TRIM33: variants seen among roughly 807,000 people sequenced by gnomAD.
The protein encoded by TRIM33 is tripartite motif containing 33.
In TRIM33, 20 loss-of-function variants were observed where a neutral mutation model predicts 125.4. The observed-to-expected ratio is 0.16, with a 90% CI of 0.11 to 0.23. The LOEUF is 0.23. Ranked by LOEUF, TRIM33 falls within the 10% of genes least tolerant of loss-of-function variation. The pLI, the probability that TRIM33 is intolerant of heterozygous loss-of-function variation, is 1.00. For synonymous variants in TRIM33, 564 were observed against 513.9 expected (o/e 1.10, Z -1.32); for missense variants, 920 against 1,411.4 (o/e 0.65, Z 5.58).
chr1:114,493,908 C>A (rs959968514), intron 1 of TRIM33, among the ~76,000 whole-genome samples: 1 of 152,110 alleles, frequency 6.6e-6, no homozygotes, highest in Admixed American at 6.5e-5. Context: ...CTCACTGCAA[C>A]CTCCGCCTCC....
chr1:114,408,127 C>A (rs1557845607), intron 13 of TRIM33, among the ~76,000 whole-genome samples: 3 of 147,464 alleles, frequency 2.0e-5, no homozygotes. Flanking sequence ...GACCTAAATA[C>A]CAAAATAGAC....
At chr1:114,478,876 G>A (rs1557889942) in intron 1 of TRIM33, among the ~76,000 whole-genome samples, 1 of 151,980 alleles carries the variant, frequency 6.6e-6, no homozygotes, top group East Asian at 1.9e-4. Flanking sequence ...GTGAAACTCT[G>A]CCTCTACTAA....
intron 1 of TRIM33, among the ~76,000 whole-genome samples, chr1:114,465,122 T>C (rs1650212382): frequency 6.6e-6 from 1 of 152,246 alleles, no homozygotes; most frequent in South Asian, 2.1e-4. Context: ...TATCATCTTA[T>C]AAATTCTGAC....
At chr1:114,407,132 C>T (rs201782033) in intron 13 of TRIM33, 32 bp from the exon 14 acceptor site, 115 of 1,579,398 alleles carry the variant, frequency 7.3e-5, no homozygotes, top group African/African-American at 2.0e-4. Context: ...AGATCACATA[C>T]GTTTGACTAT....
intron 4 of TRIM33, among the ~76,000 whole-genome samples, chr1:114,456,736 C>T (rs370800251): frequency 9.9e-5 from 15 of 152,026 alleles, no homozygotes; most frequent in African/African-American, 3.1e-4. Flanking sequence ...AGAGTTGATT[C>T]GGGTCCCCAC....
chr1:114,476,704 C>G (rs574560197), intron 1 of TRIM33, among the ~76,000 whole-genome samples: 6 of 152,022 alleles, frequency 3.9e-5, no homozygotes, highest in Non-Finnish European at 7.4e-5. Context: ...AGAAAATACT[C>G]CATGTAACTC....
chr1:114,409,734 CA>C (rs1267501095), intron 12 of TRIM33, among the ~76,000 whole-genome samples: 1 of 152,192 alleles, frequency 6.6e-6, no homozygotes, highest in East Asian at 1.9e-4. Context: ...TAGGATATGA[CA>C]CCCAGCAGTT....
Position 114,415,364 on chromosome 1 carries a change from C to T in TRIM33, c.2062-5048G>A, listed in dbSNP as rs117969315. 3.0e-3 allele frequency among the ~76,000 whole-genome samples: 461 copies of T among 152,198 alleles called. 21 individuals carry two copies. The East Asian group carries it at 0.079, about 26-fold the overall frequency. On this transcript the variant is annotated intron_variant, in intron 11 of 19. Coordinates refer to ENST00000358465, the MANE Select transcript of TRIM33 (RefSeq NM_015906.4). ...AAGAAAAATCACAAAATCTGACCTC[C>T]GATTTGAAATTATCATCTACAGTAT...
chr1:114,489,887 C>A (rs898135126), intron 1 of TRIM33, among the ~76,000 whole-genome samples: 1 of 151,656 alleles, frequency 6.6e-6, no homozygotes, highest in Non-Finnish European at 1.5e-5. Context: ...TTTTGTGCTG[C>A]AAATAATCCC....
intron 1 of TRIM33, among the ~76,000 whole-genome samples, chr1:114,507,977 CGTG>C (rs1653097978): frequency 6.6e-6 from 1 of 151,986 alleles, no homozygotes; most frequent in Non-Finnish European, 1.5e-5. Flanking sequence ...ATTAGCCAGG[CGTG>C]GTGATATGCG....
chr1:114,478,829 C>T (rs527895138), intron 1 of TRIM33, among the ~76,000 whole-genome samples: 5 of 152,290 alleles, frequency 3.3e-5, no homozygotes, highest in African/African-American at 1.2e-4. Flanking sequence ...AGGTGGATCG[C>T]CTGAGGTCAG....
chr1:114,448,254 T>A (rs904993670), intron 4 of TRIM33, among the ~76,000 whole-genome samples: 3 of 152,160 alleles, frequency 2.0e-5, no homozygotes, highest in Non-Finnish European at 4.4e-5. Flanking sequence ...AACAGAAATG[T>A]AGAAATATGG....
At chr1:114,440,600 CTAAAAA>C (rs1648593080) in intron 4 of TRIM33, among the ~76,000 whole-genome samples, 2 of 152,068 alleles carry the variant, frequency 1.3e-5, no homozygotes, top group African/African-American at 4.8e-5. Flanking sequence ...TTTTTGCTAT[CTAAAAA>C]TAAAGTTTTT....
intron 1 of TRIM33, among the ~76,000 whole-genome samples, chr1:114,499,192 CTT>C (rs1331092230): frequency 3.9e-5 from 6 of 152,062 alleles, no homozygotes; most frequent in Non-Finnish European, 7.4e-5. Context: ...ATAAAGAAAA[CTT>C]CAAAAATTCA....
chr1:114,507,479 T>C (rs895462906), intron 1 of TRIM33, among the ~76,000 whole-genome samples: 2 of 152,232 alleles, frequency 1.3e-5, no homozygotes, highest in Non-Finnish European at 2.9e-5. Context: ...TTGAAAAAGA[T>C]GGTGAGTTAA....
chr1:114,402,723 T>C lies in TRIM33; in HGVS notation c.2892+37A>G, dbSNP rs564127242. 4.4e-6 allele frequency: 7 copies of C among 1,601,500 alleles called. No individual in the cohort carries two copies. The South Asian group carries it at 7.9e-5, about 18-fold the overall frequency. ...GGTGTATATATAGGCAGACAACTACTGAATCCCAGTGACAAATCAACTTAT... is the reference window on the plus strand; with the variant it reads ...GGTGTATATATAGGCAGACAACTACCGAATCCCAGTGACAAATCAACTTAT... On this transcript the variant is annotated intron_variant, in intron 16 of 19. Transcript: ENST00000358465.
intron 1 of TRIM33, among the ~76,000 whole-genome samples, chr1:114,482,726 C>T (rs1045157717): frequency 6.6e-6 from 1 of 152,154 alleles, no homozygotes; most frequent in African/African-American, 2.4e-5. Flanking sequence ...ATTATAGTAA[C>T]TGAGTTCTCA....
At chr1:114,420,497 G>A in intron 11 of TRIM33, 1 of 983,922 alleles carries the variant, frequency 1.0e-6, no homozygotes, top group Non-Finnish European at 1.5e-6. Flanking sequence ...TAGCAAAAGT[G>A]ATATTAATCC....
chr1:114,427,611 TG>T, intron 7 of TRIM33, 136 bp downstream of exon 7: 1 of 845,878 alleles, frequency 1.2e-6, no homozygotes, highest in Non-Finnish European at 1.7e-6. Context: ...TGGGGGGTGG[TG>T]GAAGTTTTCT....
Sources: gnomAD v4.1 joint callset for allele counts (sites outside exome capture counted in the v4.1 genomes callset) on GRCh38, gnomAD v4.1.1 for gene constraint, MANE v1.5 for transcripts, NCBI Gene and HGNC (gene_info 2026-07-23, HGNC 2026-07-21) for gene names.